NDST4: variants seen among roughly 807,000 people sequenced by gnomAD.
The protein encoded by NDST4 is N-heparan sulfate sulfotransferase 4.
In NDST4, 63 loss-of-function variants were observed where a neutral mutation model predicts 100.8. That is an observed-to-expected ratio of 0.62 (90% CI 0.51 to 0.77). The LOEUF (loss-of-function observed/expected upper bound fraction) is 0.77. NDST4 is among the 30% of genes least tolerant of loss of function. The pLI, the probability that NDST4 is intolerant of heterozygous loss-of-function variation, is 0.00. For synonymous variants in NDST4, 377 were observed against 361.8 expected, an observed-to-expected ratio of 1.04 and a Z score of -0.48; for missense variants, 943 against 1,018.4, an observed-to-expected ratio of 0.93 and a Z score of 1.01.
intron 6 of NDST4, among the ~76,000 whole-genome samples, chr4:114,906,810 T>C (rs898871887): frequency 3.9e-5 from 6 of 152,018 alleles, no homozygotes; most frequent in African/African-American, 1.2e-4. Context: ...GACTTAAAGG[T>C]ATCTAGATCC....
intron 1 of NDST4, among the ~76,000 whole-genome samples, chr4:115,083,015 C>G (rs1729333888): frequency 6.6e-6 from 1 of 152,104 alleles, no homozygotes; most frequent in Admixed American, 6.6e-5. Flanking sequence ...TTTCACTGAC[C>G]TTGACTTTTC....
chr4:115,004,435 T>G (rs796921467), intron 2 of NDST4, among the ~76,000 whole-genome samples: 4 of 152,206 alleles, frequency 2.6e-5, no homozygotes, highest in Admixed American at 6.5e-5. Flanking sequence ...TGCAGACTGC[T>G]TTTGCAGCTG....
intron 6 of NDST4, among the ~76,000 whole-genome samples, chr4:114,929,240 G>T (rs974151267): frequency 1.3e-5 from 2 of 151,842 alleles, no homozygotes; most frequent in East Asian, 1.9e-4. Context: ...TATGCAAGCC[G>T]GGAAGTAAGC....
chr4:115,044,268 A>G (rs905122582), intron 2 of NDST4, among the ~76,000 whole-genome samples: 2 of 152,142 alleles, frequency 1.3e-5, no homozygotes, highest in South Asian at 2.1e-4. Context: ...ACAGTAACAT[A>G]TATCTTTTAC....
chr4:114,922,661 A>C (rs1352902070), intron 6 of NDST4, among the ~76,000 whole-genome samples: 1 of 152,120 alleles, frequency 6.6e-6, no homozygotes, highest in Non-Finnish European at 1.5e-5. Context: ...TTCTGAGGAG[A>C]CAAGAATTGA....
chr4:114,860,803 G>A (rs1336895087), intron 7 of NDST4, among the ~76,000 whole-genome samples: 3 of 152,206 alleles, frequency 2.0e-5, no homozygotes, highest in Non-Finnish European at 4.4e-5. Context: ...ACTTGTCTAT[G>A]AGAAGATAAG....
At position 115,048,671 on chromosome 4, in the gene NDST4, C is replaced by T. The variant is rs1289067894; in HGVS notation, c.978+27388G>A. Among the ~76,000 whole-genome samples, 5 of 150,532 alleles carry T rather than the reference C, an allele frequency of 3.3e-5. No individual in the cohort carries two copies. The Admixed American group carries it at 3.3e-4, about 10-fold the overall frequency. Reference sequence around the variant, plus strand: ...TGATGTTGAGCACTTTTTCATATACCTGTTGGCCCAGGATGGAGAGCAGGG... The same window carrying T: ...TGATGTTGAGCACTTTTTCATATACTTGTTGGCCCAGGATGGAGAGCAGGG... On this transcript the variant is annotated intron_variant, in intron 2 of 13. Coordinates refer to ENST00000264363, the MANE Select transcript of NDST4 (RefSeq NM_022569.3).
chr4:115,001,594 A>T (rs1727291437), intron 2 of NDST4, among the ~76,000 whole-genome samples: 1 of 151,838 alleles, frequency 6.6e-6, no homozygotes, highest in African/African-American at 2.4e-5. Flanking sequence ...GTATTAGGTA[A>T]TTTTTACTAT....
intron 2 of NDST4, among the ~76,000 whole-genome samples, chr4:115,043,788 TA>T (rs1728403561): frequency 6.6e-6 from 1 of 152,102 alleles, no homozygotes; most frequent in South Asian, 2.1e-4. Flanking sequence ...TGGCATACAT[TA>T]AATGTTGAAT....
intron 2 of NDST4, among the ~76,000 whole-genome samples, chr4:115,027,390 G>A (rs528732484): frequency 6.6e-6 from 1 of 152,166 alleles, no homozygotes; most frequent in Admixed American, 6.5e-5. Flanking sequence ...CAACACTTAT[G>A]GAGTGTATAT....
At chr4:114,977,036 T>G (rs1303440209) in intron 3 of NDST4, 151 bp downstream of exon 3, 3 of 599,890 alleles carry the variant, frequency 5.0e-6, no homozygotes, top group Non-Finnish European at 8.9e-6. Context: ...AAGGTAAATA[T>G]GCTCATTGAT....
At chr4:114,986,826 A>AT (rs1438396923) in intron 2 of NDST4, among the ~76,000 whole-genome samples, 19 of 117,320 alleles carry the variant, frequency 1.6e-4, no homozygotes, top group African/African-American at 6.4e-4. Context: ...ATATATATAT[A>AT]TATATATTTT....
intron 3 of NDST4, among the ~76,000 whole-genome samples, chr4:114,974,459 G>C (rs990962552): frequency 6.6e-6 from 1 of 151,978 alleles, no homozygotes; most frequent in Non-Finnish European, 1.5e-5. Context: ...TATTGATTGG[G>C]TCACATTTAA....
At chr4:114,961,954 T>C (rs1027540919) in intron 4 of NDST4, among the ~76,000 whole-genome samples, 2 of 151,946 alleles carry the variant, frequency 1.3e-5, no homozygotes, top group Admixed American at 1.3e-4. Flanking sequence ...GCACTAGCAA[T>C]CAAACTCAAT....
intron 1 of NDST4, among the ~76,000 whole-genome samples, chr4:115,093,437 T>C (rs1373370712): frequency 6.6e-6 from 1 of 151,814 alleles, no homozygotes; most frequent in African/African-American, 2.4e-5. Flanking sequence ...ATAGCGCCAC[T>C]GCACTCCAGC....
At chr4:114,855,404 T>C (rs1451418033) in intron 7 of NDST4, among the ~76,000 whole-genome samples, 1 of 152,230 alleles carries the variant, frequency 6.6e-6, no homozygotes, top group African/African-American at 2.4e-5. Flanking sequence ...TTTTATAGTT[T>C]GAGGTCTTAG....
intron 1 of NDST4, among the ~76,000 whole-genome samples, chr4:115,078,980 T>C (rs1478118114): frequency 6.6e-6 from 1 of 152,056 alleles, no homozygotes; most frequent in Admixed American, 6.6e-5. Context: ...AAAGCTCTTC[T>C]TCATAAATTA....
chr4:115,007,249 C>G (rs958164066), intron 2 of NDST4, among the ~76,000 whole-genome samples: 3 of 152,144 alleles, frequency 2.0e-5, no homozygotes, highest in African/African-American at 7.2e-5. Flanking sequence ...AACCAGTAAA[C>G]ATGCAGCTGT....
At chr4:114,987,813 G>A (rs1726946218) in intron 2 of NDST4, among the ~76,000 whole-genome samples, 1 of 152,100 alleles carries the variant, frequency 6.6e-6, no homozygotes, top group Non-Finnish European at 1.5e-5. Context: ...ACTTGCTTAA[G>A]TTTATGGTTT....
Sources: gnomAD v4.1 joint callset for allele counts (sites outside exome capture counted in the v4.1 genomes callset) on GRCh38, gnomAD v4.1.1 for gene constraint, MANE v1.5 for transcripts, NCBI Gene and HGNC (gene_info 2026-07-23, HGNC 2026-07-21) for gene names.